Variants in NPRL3 observed in about 807,000 individuals in gnomAD.
The protein encoded by NPRL3 is GATOR1 complex protein NPRL3.
Under a neutral mutation model 57.2 loss-of-function variants are expected in NPRL3, and 23 were observed. That is an observed-to-expected ratio of 0.40 (90% confidence interval 0.29 to 0.57). The LOEUF is 0.57. Among genes scored for constraint, NPRL3 ranks in the 20% least tolerant of loss-of-function variants. NPRL3 has a pLI of 0.42. For synonymous variants in NPRL3, 333 were observed against 321.1 expected (o/e 1.04, Z -0.39); for missense variants, 691 against 767.1 (o/e 0.90, Z 1.17).
chr16:119,077 G>T, intron 4 of NPRL3, 49 bp downstream of exon 4: 1 of 1,595,348 alleles, frequency 6.3e-7, no homozygotes, highest in Non-Finnish European at 8.5e-7. Context: ...TGCCCAAGGA[G>T]AGCCACATCT....
intron 3 of NPRL3, among the ~76,000 whole-genome samples, chr16:129,521 G>T (rs1900694987): frequency 6.6e-6 from 1 of 152,082 alleles, no homozygotes; most frequent in South Asian, 2.1e-4. Flanking sequence ...CACACTCTTG[G>T]AACCACAAAT....
rs749375451 is a variant in NPRL3 at position 85,782 on chromosome 16, A to G, written c.*923T>C. On this transcript the variant is annotated 3_prime_UTR_variant, in exon 14 of 14. Coordinates refer to ENST00000611875, the MANE Select transcript of NPRL3 (RefSeq NM_001077350.3). ...GAGCAGGACACACAGGCCTGAGCAA[A>G]GGGCCTGCCCAGACAAGATTTTTTA... The G allele has an allele frequency of 6.7e-7, 1 of 1,487,192 alleles. No homozygotes were observed. Among genetic ancestry groups the G allele is most frequent in the Non-Finnish European group, 9.0e-7 (1 of 1,117,300 alleles). The allele number at this position is 1,487,192 out of a possible 1,614,324, so 92.1% of individuals were successfully genotyped here. A position where few individuals can be genotyped will look rare whatever the true frequency, so the allele number is the denominator to read the frequency against.
At position 88,845 on chromosome 16, in the gene NPRL3, G is replaced by T; in HGVS notation, c.1397C>A (p.Ser466Tyr). 6.2e-7 allele frequency: 1 copy of T among 1,613,852 alleles called. No homozygotes were observed. The highest frequency in any genetic ancestry group is 8.5e-7 in the Non-Finnish European group (1 of 1,179,798). The change falls in exon 13 of 14, where the codon TCC becomes TAC. Residue 466 changes from serine to tyrosine, a missense_variant. Physicochemically the swap from Ser to Tyr is moderately radical, Grantham distance 144. Coordinates refer to ENST00000611875, the MANE Select transcript of NPRL3 (RefSeq NM_001077350.3). ...CCCGCTGGGAAGTAGCTCTGCGCTGGAGTTGTCCATGCTGGGGCTGGTGAG... is the reference window on the plus strand; with the variant it reads ...CCCGCTGGGAAGTAGCTCTGCGCTGTAGTTGTCCATGCTGGGGCTGGTGAG... ...MTLTSPSMDN[S>Y]SAELLPSGDS...
intron 3 of NPRL3, among the ~76,000 whole-genome samples, chr16:119,822 G>A (rs934247095): frequency 6.6e-5 from 10 of 152,220 alleles, no homozygotes; most frequent in South Asian, 4.1e-4. Context: ...TAAACTTTCC[G>A]GTTTTTATCA....
At position 112,673 on chromosome 16, in the gene NPRL3, C is replaced by T; in HGVS notation, c.496G>A (p.Glu166Lys). ...EERRCQYLTREAKLILALQDE... is the reference protein window; with the variant it reads ...EERRCQYLTRKAKLILALQDE... ...TGGAGCGCCAGGATCAGCTTGGCCT[C>T]CCGGGTGAGGTACTGGCAGCGGCGC... Residue 166 changes from glutamate to lysine, a missense_variant, in exon 6 of 14, where the codon GAG becomes AAG. Physicochemically the swap from Glu to Lys is moderately conservative, Grantham distance 56. Transcript: ENST00000611875. 3 of 1,608,312 alleles carry T rather than the reference C, an allele frequency of 1.9e-6. No homozygotes were observed. Among genetic ancestry groups the T allele is most frequent in the Non-Finnish European group, 2.5e-6 (3 of 1,177,370 alleles).
intron 7 of NPRL3, among the ~76,000 whole-genome samples, chr16:102,452 G>A (rs751047172): frequency 6.6e-6 from 1 of 152,204 alleles, no homozygotes; most frequent in African/African-American, 2.4e-5. Flanking sequence ...AGGGAACGCA[G>A]CCTGTGAAGC....
intron 2 of NPRL3, among the ~76,000 whole-genome samples, chr16:137,817 G>C (rs1243900332): frequency 1.3e-5 from 2 of 151,704 alleles, no homozygotes; most frequent in South Asian, 4.2e-4. Context: ...CACCCGCCTC[G>C]GCCTCCCAAA....
chr16:133,252 T>C (rs1220561232), intron 2 of NPRL3, among the ~76,000 whole-genome samples: 1 of 152,124 alleles, frequency 6.6e-6, no homozygotes, highest in Non-Finnish European at 1.5e-5. Flanking sequence ...TGAGACAGAG[T>C]CTCCCTCTTG....
intron 3 of NPRL3, among the ~76,000 whole-genome samples, chr16:126,609 T>C (rs1192606002): frequency 1.3e-5 from 2 of 152,018 alleles, no homozygotes; most frequent in South Asian, 4.1e-4. Context: ...GAGAGGGACA[T>C]GCCCACACCA....
chr16:92,818 G>A (rs1898820733), intron 10 of NPRL3, 93 bp from the exon 11 acceptor site: 1 of 1,528,184 alleles, frequency 6.5e-7, no homozygotes, highest in Non-Finnish European at 8.9e-7. Context: ...GCAAAGTGTG[G>A]CAGGTGGGTC....
intron 7 of NPRL3, among the ~76,000 whole-genome samples, chr16:105,249 A>G (rs565196670): frequency 2.0e-5 from 3 of 152,240 alleles, no homozygotes; most frequent in Admixed American, 1.3e-4. Flanking sequence ...CCAAGACAGA[A>G]ATGTGCACAA....
At chr16:131,845 A>C (rs1900820647) in intron 2 of NPRL3, among the ~76,000 whole-genome samples, 1 of 152,016 alleles carries the variant, frequency 6.6e-6, no homozygotes, top group Non-Finnish European at 1.5e-5. Flanking sequence ...CACTTTATCC[A>C]CCACAGAACT....
intron 7 of NPRL3, among the ~76,000 whole-genome samples, chr16:103,537 T>C (rs1196056307): frequency 1.3e-5 from 2 of 152,028 alleles, no homozygotes; most frequent in African/African-American, 4.8e-5. Context: ...GTTTCAAATG[T>C]AGCTGTCTTT....
In NPRL3 at chr16:138,186, A is replaced by AT; in HGVS notation, c.81_82insA (p.Phe28IlefsTer14). On this transcript the variant is annotated frameshift_variant, in exon 2 of 14. Transcript: ENST00000611875. LOFTEE classifies it high-confidence loss of function. ...GCCGGGTGCTCCTGGCTTCTCTGGA[A>AT]GGGGTACCTGAACAGCAGCTTATTG... The AT allele has an allele frequency of 6.2e-7, 1 of 1,609,694 alleles. No homozygotes were observed. The highest frequency in any genetic ancestry group is 8.5e-7 in the Non-Finnish European group (1 of 1,178,364).
intron 2 of NPRL3, among the ~76,000 whole-genome samples, chr16:133,001 C>T (rs998242976): frequency 1.3e-5 from 2 of 152,140 alleles, no homozygotes; most frequent in Non-Finnish European, 2.9e-5. Context: ...GAGATGGTTT[C>T]TTTCCTTAAA....
Position 85,551 on chromosome 16 carries a change from C to A in NPRL3, c.*1154G>T. 1 of 1,613,406 alleles carries A rather than the reference C, an allele frequency of 6.2e-7. No individual in the cohort carries two copies. The highest frequency in any genetic ancestry group is 8.5e-7 in the Non-Finnish European group (1 of 1,180,014). On this transcript the variant is annotated 3_prime_UTR_variant, in exon 14 of 14. Coordinates refer to ENST00000611875, the MANE Select transcript of NPRL3 (RefSeq NM_001077350.3). ...AGTGGCCCCTCCAAGCTGTGCCAGG[C>A]CCTGGCCATCAACAAGAGCTTTGAC...
At chr16:87,928 T>C (rs1019120482) in intron 13 of NPRL3, among the ~76,000 whole-genome samples, 13 of 151,970 alleles carry the variant, frequency 8.6e-5, no homozygotes, top group Non-Finnish European at 4.4e-5. Context: ...TTAGGGTGCT[T>C]TCTGCAACTC....
At chr16:94,957 G>A (rs1166132501) in intron 9 of NPRL3, among the ~76,000 whole-genome samples, 1 of 152,084 alleles carries the variant, frequency 6.6e-6, no homozygotes, top group Non-Finnish European at 1.5e-5. Flanking sequence ...TAAGGTGCCA[G>A]CAGGACCAGG....
chr16:117,689 G>A (rs552177912), intron 4 of NPRL3, among the ~76,000 whole-genome samples: 24 of 152,300 alleles, frequency 1.6e-4, no homozygotes, highest in Admixed American at 6.5e-4. Context: ...CTGCCTTCCC[G>A]TGCCCGCCTG....
Sources: gnomAD v4.1 joint callset for allele counts (sites outside exome capture counted in the v4.1 genomes callset) on GRCh38, gnomAD v4.1.1 for gene constraint, MANE v1.5 for transcripts, NCBI Gene and HGNC (gene_info 2026-07-23, HGNC 2026-07-21) for gene names.